The following ZNF473 variants were observed in gnomAD, a reference collection of about 807,000 sequenced individuals.
ZNF473 encodes zinc finger protein 100 homolog.
ZNF473 carries 4 observed loss-of-function variants against 11.1 expected under a neutral mutation model. That is an observed-to-expected ratio of 0.36 (90% CI 0.18 to 0.82). ZNF473 has a LOEUF of 0.82. Among genes scored for constraint, ZNF473 ranks in the 40% least tolerant of loss-of-function variants. The probability of loss-of-function intolerance (pLI) is 0.49; values close to 1 mark genes in which losing one functional copy is unlikely to be tolerated. For missense variants in ZNF473, 854 were observed against 1,084.0 expected (o/e 0.79, Z 2.98); for synonymous variants, 404 against 390.4 (o/e 1.03, Z -0.41).
chr19:50,039,021 C>A lies in ZNF473; in HGVS notation c.10-140C>A. 1 of 1,103,328 alleles carries A rather than the reference C, an allele frequency of 9.1e-7. No individual in the cohort carries two copies. The highest frequency in any genetic ancestry group is 1.3e-6 in the Non-Finnish European group (1 of 761,356). The allele number at this position is 1,103,328 out of a possible 1,614,324, so 68.3% of individuals were successfully genotyped here. A position where few individuals can be genotyped will look rare whatever the true frequency, so the allele number is the denominator to read the frequency against. ...TACAGGGGTTTCCAGTCTCTTACAT[C>A]TCAAGATTCTTGTGAGGCTGAGGAT... On this transcript the variant is annotated intron_variant, in intron 2 of 4. Coordinates refer to ENST00000270617, the MANE Select transcript of ZNF473 (RefSeq NM_015428.4). The surrounding 1 kb of genome is among the most constrained non-coding windows in gnomAD (Gnocchi z 4.8).
rs748088393 is a variant in ZNF473 at position 50,039,018 on chromosome 19, C to T, written c.10-143C>T. The T allele has an allele frequency of 3.8e-5, 40 of 1,055,526 alleles. No homozygotes were observed. Among genetic ancestry groups the T allele is most frequent in the Non-Finnish European group, 5.1e-5 (37 of 720,784 alleles). The allele number at this position is 1,055,526 out of a possible 1,614,324, so 65.4% of individuals were successfully genotyped here. A position where few individuals can be genotyped will look rare whatever the true frequency, so the allele number is the denominator to read the frequency against. ...AAATACAGGGGTTTCCAGTCTCTTA[C>T]ATCTCAAGATTCTTGTGAGGCTGAG... On this transcript the variant is annotated intron_variant, in intron 2 of 4. Coordinates refer to ENST00000270617, the MANE Select transcript of ZNF473 (RefSeq NM_015428.4). The surrounding 1 kb of genome is among the most constrained non-coding windows in gnomAD (Gnocchi z 4.8).
At chr19:50,036,989 G>A (rs1168789027) in intron 2 of ZNF473, among the ~76,000 whole-genome samples, 1 of 152,184 alleles carries the variant, frequency 6.6e-6, no homozygotes, top group African/African-American at 2.4e-5. Context: ...TATAAGTTGG[G>A]GATAATCCTG....
intron 3 of ZNF473, 72 bp from the exon 4 acceptor site, chr19:50,041,658 G>T: frequency 7.5e-7 from 1 of 1,328,922 alleles, no homozygotes; most frequent in Non-Finnish European, 1.0e-6. Flanking sequence ...AGGAGAGCCA[G>T]GAGGTTCTCA....
At chr19:50,037,378 A>G (rs1192502438) in intron 2 of ZNF473, among the ~76,000 whole-genome samples, 1 of 152,128 alleles carries the variant, frequency 6.6e-6, no homozygotes, top group Non-Finnish European at 1.5e-5. Context: ...GGTGGTTTTC[A>G]TTCTTTCTTA....
Position 50,046,843 on chromosome 19 carries a change from TC to T in ZNF473, c.2401del (p.Leu801Ter). On this transcript the variant is annotated frameshift_variant, in exon 5 of 5. Transcript: ENST00000270617. LOFTEE classifies it low-confidence loss of function (END_TRUNC). This position sits in a 1 kb window ranked among gnomAD's most constrained non-coding sequence, Gnocchi z 5.9. ...CGKAFAQKAN[L>X]TQHQRIHTGE... is the part of the protein sequence containing the mutation. Reference sequence around the variant, plus strand: ...GGAAAGCCTTTGCCCAGAAAGCAAATCTAACACAGCACCAGAGAATTCACAC... The same window carrying T: ...GGAAAGCCTTTGCCCAGAAAGCAAATTAACACAGCACCAGAGAATTCACAC... 6.2e-7 allele frequency: 1 copy of T among 1,614,098 alleles called. No homozygotes were observed. The highest frequency in any genetic ancestry group is 1.1e-5 in the South Asian group (1 of 91,086).
At chr19:50,030,789 C>T (rs1346193237) in intron 1 of ZNF473, 103 bp from the exon 2 acceptor site, 1 of 512,008 alleles carries the variant, frequency 2.0e-6, no homozygotes, top group Non-Finnish European at 3.6e-6. Context: ...TAGGTGCTAA[C>T]CCACCATTGT....
Position 50,045,579 on chromosome 19 carries a change from AGT to A in ZNF473, c.1140_1141del (p.Cys380TrpfsTer5), listed in dbSNP as rs1166089187. 6 of 1,614,066 alleles carry A rather than the reference AGT, an allele frequency of 3.7e-6. No homozygotes were observed. In the Admixed American group the frequency reaches 1.0e-4, roughly 27 times the overall value. ...GCAAAAACTACCTCTGAGTGTCAGG[AGT>A]GTGGGAAGATTTTTAGGCACAGTTC... On this transcript the variant is annotated frameshift_variant, in exon 5 of 5. Transcript: ENST00000270617. LOFTEE classifies it low-confidence loss of function (END_TRUNC).
Position 50,048,497 on chromosome 19 carries a change from C to T in ZNF473, c.*1438C>T, listed in dbSNP as rs1463964128. On this transcript the variant is annotated 3_prime_UTR_variant, in exon 5 of 5. Transcript: ENST00000270617. ...GGAACCTGTTGGCTAACCATTGGGGCCTTACACTGTTTTTCAAATGGTTGC... is the reference window on the plus strand; with the variant it reads ...GGAACCTGTTGGCTAACCATTGGGGTCTTACACTGTTTTTCAAATGGTTGC... The T allele has an allele frequency of 2.0e-5, 3 of 152,224 alleles. No individual in the cohort carries two copies. The highest frequency in any genetic ancestry group is 1.3e-4 in the Admixed American group (2 of 15,284). 9.4% of individuals were successfully genotyped at this position (152,224 alleles called of 1,614,324 possible). A position where few individuals can be genotyped will look rare whatever the true frequency, so the allele number is the denominator to read the frequency against.
chr19:50,031,199 C>T, intron 2 of ZNF473, 108 bp downstream of exon 2: 8 of 1,437,122 alleles, frequency 5.6e-6, no homozygotes, highest in Non-Finnish European at 7.7e-6. Context: ...GATTGGTCAC[C>T]CCCATGGCAG....
intron 2 of ZNF473, among the ~76,000 whole-genome samples, chr19:50,034,478 C>T (rs1471507866): frequency 2.6e-5 from 4 of 152,194 alleles, no homozygotes; most frequent in South Asian, 2.1e-4. Flanking sequence ...TGAAGGCGAA[C>T]GCCACCTAGA....
At chr19:50,037,688 G>T (rs1978528867) in intron 2 of ZNF473, among the ~76,000 whole-genome samples, 1 of 151,616 alleles carries the variant, frequency 6.6e-6, no homozygotes, top group South Asian at 2.1e-4. Flanking sequence ...TGGGTCTGGT[G>T]GCACAAGCCT....
intron 2 of ZNF473, among the ~76,000 whole-genome samples, chr19:50,031,826 A>G (rs2077319679): frequency 6.6e-6 from 1 of 151,928 alleles, no homozygotes; most frequent in Non-Finnish European, 1.5e-5. Flanking sequence ...GATGCATGAA[A>G]CCATCTCTCT....
chr19:50,044,559 CCCTTTGGGTCCCT>C, intron 4 of ZNF473, 98 bp from the exon 5 acceptor site: 1 of 852,462 alleles, frequency 1.2e-6, no homozygotes, highest in Non-Finnish European at 1.9e-6. Flanking sequence ...CATGGGTCAC[CCCTTTGGGTCCCT>C]TGATGGATAG....
chr19:50,035,696 G>T (rs1978389278), intron 2 of ZNF473, among the ~76,000 whole-genome samples: 1 of 152,108 alleles, frequency 6.6e-6, no homozygotes, highest in African/African-American at 2.4e-5. Context: ...AGTGAGTTGG[G>T]TCTCTGCTGA....
At chr19:50,044,104 TAG>T (rs1026416067) in intron 4 of ZNF473, among the ~76,000 whole-genome samples, 1 of 150,606 alleles carries the variant, frequency 6.6e-6, no homozygotes, top group Admixed American at 6.6e-5. Context: ...TGTGGAAGAC[TAG>T]AGAGAGAGAG....
chr19:50,042,011 A>C, intron 4 of ZNF473, 192 bp downstream of exon 4: 1 of 456,804 alleles, frequency 2.2e-6, no homozygotes, highest in Non-Finnish European at 3.9e-6. Context: ...ATAGACCCTC[A>C]CTCTGGGGTC....
chr19:50,045,112 T>C lies in ZNF473; in HGVS notation c.669T>C (p.Arg223=). 6.2e-7 allele frequency: 1 copy of C among 1,614,152 alleles called. No homozygotes were observed. The highest frequency in any genetic ancestry group is 1.7e-4 in the Middle Eastern group (1 of 6,060). ...ECGKSFSGSY[R]LTQHWITHTR... is the part of the protein sequence containing the mutation. ...GGAAAAGCTTCAGTGGGAGTTACCG[T>C]CTTACCCAGCACTGGATCACTCATA... is the stretch of plus-strand genomic sequence containing the variant. The change falls in exon 5 of 5, where the codon CGT becomes CGC. Residue 223 remains arginine, a synonymous_variant. Coordinates refer to ENST00000270617, the MANE Select transcript of ZNF473 (RefSeq NM_015428.4).
intron 2 of ZNF473, among the ~76,000 whole-genome samples, chr19:50,032,182 C>A (rs1006263111): frequency 2.7e-5 from 4 of 149,908 alleles, no homozygotes; most frequent in Admixed American, 1.3e-4. Context: ...TCCTTCATCA[C>A]TGTGACAGGG....
intron 4 of ZNF473, 38 bp from the exon 5 acceptor site, chr19:50,044,632 C>T: frequency 6.6e-7 from 1 of 1,523,704 alleles, no homozygotes; most frequent in Non-Finnish European, 8.9e-7. Flanking sequence ...GTGTTCTCAC[C>T]CTTAGTGAAC....
Sources: allele counts gnomAD v4.1 joint callset (sites outside exome capture counted in the v4.1 genomes callset), GRCh38; gene constraint gnomAD v4.1.1; non-coding constraint Gnocchi (gnomAD v3.1); transcripts MANE v1.5; gene names NCBI Gene and HGNC (gene_info 2026-07-23, HGNC 2026-07-21).